RIIAD1: variants seen among roughly 807,000 people sequenced by gnomAD.
RIIAD1 encodes the protein regulatory subunit of type II PKA R-subunit domain containing 1, also known as RIIa domain-containing protein 1.
In RIIAD1, 15 loss-of-function variants were observed where a neutral mutation model predicts 13.3. That is an observed-to-expected ratio of 1.13 (90% CI 0.76 to 1.74). The LOEUF (loss-of-function observed/expected upper bound fraction) is 1.74. RIIAD1 is among the 40% of genes most tolerant of loss of function. The pLI is 0.00. For missense variants in RIIAD1, 121 were observed against 112.2 expected (o/e 1.08, Z -0.35); for synonymous variants, 50 against 43.3 (o/e 1.16, Z -0.61).
intron 2 of RIIAD1, among the ~76,000 whole-genome samples, chr1:151,724,988 T>C (rs1309102559): frequency 1.3e-5 from 2 of 151,944 alleles, no homozygotes; most frequent in African/African-American, 4.8e-5. Flanking sequence ...TTTTTTTTTT[T>C]TAGTAGAGAC....
chr1:151,725,444 G>T (rs74228553), intron 2 of RIIAD1, among the ~76,000 whole-genome samples: 26 of 152,038 alleles, frequency 1.7e-4, no homozygotes, highest in Non-Finnish European at 3.7e-4. Flanking sequence ...GTTCCACAAC[G>T]TTGCTTTTTT....
At chr1:151,712,457 C>A (rs141607898) in intron 2 of RIIAD1, among the ~76,000 whole-genome samples, 1 of 152,206 alleles carries the variant, frequency 6.6e-6, no homozygotes, top group Admixed American at 6.5e-5. Flanking sequence ...AGGTTCTCTC[C>A]GTGGGGCCAG....
At chr1:151,725,610 ACTC>A (rs1413258834) in intron 2 of RIIAD1, among the ~76,000 whole-genome samples, 1 of 151,790 alleles carries the variant, frequency 6.6e-6, no homozygotes. Context: ...CCTCCCAGTC[ACTC>A]CCCTTAAAAC....
At chr1:151,714,777 C>T in intron 4 of RIIAD1, 2 of 843,958 alleles carry the variant, frequency 2.4e-6, no homozygotes, top group Non-Finnish European at 3.8e-6. Context: ...GGAAGCTTTC[C>T]CTTCTTGTCA....
rs1647236455 is a variant in RIIAD1, at chr1:151,728,760, T to C, written c.209-6T>C. The C allele has an allele frequency of 4.0e-6, 6 of 1,505,680 alleles. No homozygotes were observed. Among genetic ancestry groups the C allele is most frequent in the Non-Finnish European group, 5.4e-6 (6 of 1,105,402 alleles). The allele number at this position is 1,505,680 out of a possible 1,614,324, so 93.3% of individuals were successfully genotyped here. A position where few individuals can be genotyped will look rare whatever the true frequency, so the allele number is the denominator to read the frequency against. On this transcript the variant is annotated splice_region_variant and splice_polypyrimidine_tract_variant and intron_variant, in intron 3 of 4. Coordinates refer to ENST00000479191, the MANE Select transcript of RIIAD1 (RefSeq NM_001144956.3). ...GATGATGTCTTCTTTTTGATTTTTA[T>C]CCCAGACTACTTCACGGATCCAAGA...
chr1:151,712,020 C>G (rs1465970359), intron 2 of RIIAD1: 3 of 152,392 alleles, frequency 2.0e-5, no homozygotes. Context: ...TACACCCTCA[C>G]AGACAGGACC....
At chr1:151,712,795 G>A (rs2101475099) in intron 2 of RIIAD1, among the ~76,000 whole-genome samples, 1 of 152,278 alleles carries the variant, frequency 6.6e-6, no homozygotes, top group African/African-American at 2.4e-5. Context: ...AAGGAGAGGG[G>A]GCTAAATGTC....
At chr1:151,712,431 G>A (rs138593408) in intron 2 of RIIAD1, among the ~76,000 whole-genome samples, 22 of 152,248 alleles carry the variant, frequency 1.4e-4, no homozygotes, top group Non-Finnish European at 2.4e-4. Context: ...TGTTCCCGGC[G>A]TCCCAGACCA....
rs967426291 is a variant in RIIAD1 at position 151,721,664 on chromosome 1, C to G, written c.84+44C>G. 1.2e-5 allele frequency: 14 copies of G among 1,193,754 alleles called. No individual in the cohort carries two copies. The East Asian group carries it at 4.1e-4, about 35-fold the overall frequency. 73.9% of individuals were successfully genotyped at this position (1,193,754 alleles called of 1,614,324 possible). A position where few individuals can be genotyped will look rare whatever the true frequency, so the allele number is the denominator to read the frequency against. On this transcript the variant is annotated intron_variant, in intron 1 of 4. Transcript: ENST00000479191. ...CCATCCAGCGTCCACCAAAGTGTAG[C>G]TGCCCCAGGACTGGGGCCCCAGACT...
Position 151,728,794 on chromosome 1 carries a change from C to G in RIIAD1, c.237C>G (p.Asn79Lys). ...ACTTCACGGATCCAAGACTTCCCAA[C>G]AAGATTCACATGCAGCTAATTAAAG... The part of the protein sequence containing the change: ...ADYFTDPRLP[N>K]KIHMQLIKDK... Residue 79 changes from asparagine (N) to lysine (K), a missense_variant, in exon 4 of 5, where the codon AAC becomes AAG. By Grantham distance (94) the Asn-to-Lys change is moderately conservative. Coordinates refer to ENST00000479191, the MANE Select transcript of RIIAD1 (RefSeq NM_001144956.3). The G allele has an allele frequency of 6.5e-7, 1 of 1,544,870 alleles. No homozygotes were observed. The highest frequency in any genetic ancestry group is 1.7e-4 in the Middle Eastern group (1 of 5,978).
At chr1:151,714,659 A>C in intron 4 of RIIAD1, 1 of 1,559,218 alleles carries the variant, frequency 6.4e-7, no homozygotes, top group South Asian at 1.2e-5. Flanking sequence ...CGGGCACAGT[A>C]TGTCAGGAAG....
chr1:151,719,511 T>G, upstream of RIIAD1: 1 of 631,134 alleles, frequency 1.6e-6, no homozygotes, highest in East Asian at 2.8e-5. Flanking sequence ...ATTGGGATAT[T>G]TTTCAGAAAG....
intron 4 of RIIAD1, chr1:151,715,990 C>G (rs556416068): frequency 6.2e-7 from 1 of 1,613,948 alleles, no homozygotes; most frequent in African/African-American, 1.3e-5. Context: ...ATCTGCCCCA[C>G]AAACAGCTTG....
chr1:151,717,818 T>C (rs1290265446), upstream of RIIAD1, among the ~76,000 whole-genome samples: 2 of 152,204 alleles, frequency 1.3e-5, no homozygotes, highest in Non-Finnish European at 2.9e-5. Flanking sequence ...CGGGGACCAT[T>C]GCTCCCCTGA....
chr1:151,719,651 C>A (rs112640421), upstream of RIIAD1: 2,254 of 702,870 alleles, frequency 3.2e-3, 24 homozygotes, highest in African/African-American at 0.028. Flanking sequence ...GATTCTATAA[C>A]CTTCCTGCCC....
At chr1:151,728,440 C>T (rs1022100462) in intron 3 of RIIAD1, 6 of 338,788 alleles carry the variant, frequency 1.8e-5, no homozygotes, top group Admixed American at 8.8e-5. Flanking sequence ...GCTCTCTGTG[C>T]GTCAGCAGGC....
chr1:151,712,783 G>T (rs2101475027), intron 2 of RIIAD1, among the ~76,000 whole-genome samples: 1 of 152,322 alleles, frequency 6.6e-6, no homozygotes, highest in African/African-American at 2.4e-5. Context: ...GAGATGGGGA[G>T]CAAGGAGAGG....
chr1:151,711,619 C>G (rs769371645), intron 1 of RIIAD1, among the ~76,000 whole-genome samples: 1 of 152,244 alleles, frequency 6.6e-6, no homozygotes, highest in Non-Finnish European at 1.5e-5. Flanking sequence ...GCAAGCAAAG[C>G]GTGTCGTGGG....
intron 2 of RIIAD1, 94 bp downstream of exon 2, chr1:151,722,256 A>G (rs1400388996): frequency 1.3e-6 from 1 of 761,492 alleles, no homozygotes; most frequent in East Asian, 2.7e-5. Flanking sequence ...ATTCTTAAAA[A>G]TATGTCTATT....
Sources: allele counts gnomAD v4.1 joint callset (sites outside exome capture counted in the v4.1 genomes callset), GRCh38; gene constraint gnomAD v4.1.1; transcripts MANE v1.5; gene names NCBI Gene and HGNC (gene_info 2026-07-23, HGNC 2026-07-21).